TCOF1: variants seen among roughly 807,000 people sequenced by gnomAD.
TCOF1 encodes the protein treacle protein.
TCOF1 carries 33 observed loss-of-function variants against 149.0 expected under a neutral mutation model. The observed-to-expected ratio is 0.22, with a 90% CI of 0.17 to 0.30. The LOEUF (loss-of-function observed/expected upper bound fraction) is 0.30, where lower values mean the gene tolerates loss of function less well. TCOF1 is among the 10% of genes least tolerant of loss of function. TCOF1 has a pLI of 1.00. For synonymous variants in TCOF1, 789 were observed against 738.8 expected (o/e 1.07, Z -1.10); for missense variants, 1,728 against 1,840.7 (o/e 0.94, Z 1.12).
In TCOF1 at chr5:150,379,665, A is replaced by T. The variant is rs1363459338; in HGVS notation, c.2792A>T (p.Asp931Val). The T allele has an allele frequency of 3.7e-6, 6 of 1,614,004 alleles. No homozygotes were observed. Among genetic ancestry groups the T allele is most frequent in the Non-Finnish European group, 5.1e-6 (6 of 1,180,032 alleles). ...GCTGCCCAGGCAGGGAAGCAGGATG[A>T]CTCAGGGAGCAGCAGCGAGGAATCA... ...PSAAQAGKQDDSGSSSEESDS... is the reference protein window; with the variant it reads ...PSAAQAGKQDVSGSSSEESDS... The change falls in exon 17 of 27, where the codon GAC (aspartate) becomes GTC (valine). Residue 931 changes from aspartate to valine, a missense_variant. By Grantham distance (152) the Asp-to-Val change is radical. This residue lies in a region of TCOF1 where 1,696 missense variants were observed against 1,765.4 expected (regional missense o/e 0.96). Coordinates refer to ENST00000643257, the MANE Select transcript of TCOF1 (RefSeq NM_001371623.1).
At position 150,393,377 on chromosome 5, in the gene TCOF1, C is replaced by G; in HGVS notation, c.3609C>G (p.Leu1203=). ...EDDVVAPSQS[L]LSGYMTPGLT... is the part of the protein sequence containing the mutation. ...TTCACAATGGGCTTCTTCAGTCTCT[C>G]CTCTCAGGTTATATGACCCCTGGAC... Residue 1203 remains leucine, a synonymous_variant, in exon 23 of 27, where the codon CTC becomes CTG. Coordinates refer to ENST00000643257, the MANE Select transcript of TCOF1 (RefSeq NM_001371623.1). 1.9e-6 allele frequency: 3 copies of G among 1,614,012 alleles called. No homozygotes were observed. Among genetic ancestry groups the G allele is most frequent in the Non-Finnish European group, 2.5e-6 (3 of 1,180,002 alleles).
At chr5:150,361,273 T>G in intron 2 of TCOF1, 62 bp downstream of exon 2, 1 of 1,579,750 alleles carries the variant, frequency 6.3e-7, no homozygotes, top group South Asian at 1.1e-5. Context: ...CAGCTTGGAA[T>G]AAGCTGGGAT....
intron 23 of TCOF1, among the ~76,000 whole-genome samples, chr5:150,395,697 C>G (rs1335355753): frequency 6.6e-6 from 1 of 152,168 alleles, no homozygotes; most frequent in Non-Finnish European, 1.5e-5. Flanking sequence ...AGCTCCCCAC[C>G]TTGCCTGGAC....
At position 150,375,052 on chromosome 5, in the gene TCOF1, A is replaced by G. The variant is rs1192215645; in HGVS notation, c.1377A>G (p.Thr459=). 1.2e-6 allele frequency: 2 copies of G among 1,614,120 alleles called. No individual in the cohort carries two copies. Among genetic ancestry groups the G allele is most frequent in the South Asian group, 1.1e-5 (1 of 91,080 alleles). ...CTGCCCCAGCACCTCCTAGGAAAACAGGGCCTGCAGCCGCCCAGGTCCAGG... is the reference window on the plus strand; with the variant it reads ...CTGCCCCAGCACCTCCTAGGAAAACGGGGCCTGCAGCCGCCCAGGTCCAGG... The part of the protein sequence containing the change: ...KGAAPAPPRK[T]GPAAAQVQVG... Residue 459 remains threonine (T), a synonymous_variant, in exon 10 of 27, where the codon ACA becomes ACG. Transcript: ENST00000643257.
intron 17 of TCOF1, among the ~76,000 whole-genome samples, chr5:150,387,565 C>G (rs1055718203): frequency 6.6e-6 from 1 of 152,212 alleles, no homozygotes; most frequent in Non-Finnish European, 1.5e-5. Context: ...ACATTCTGGC[C>G]GTGGCTTTGC....
chr5:150,381,087 G>A (rs1765067219), intron 17 of TCOF1, among the ~76,000 whole-genome samples: 1 of 152,146 alleles, frequency 6.6e-6, no homozygotes, highest in African/African-American at 2.4e-5. Flanking sequence ...AGACCGGAGA[G>A]CCCTTGCCCC....
chr5:150,389,985 A>T lies in TCOF1; in HGVS notation c.3145A>T (p.Ile1049Leu). Residue 1049 changes from isoleucine to leucine, a missense_variant, in exon 19 of 27, where the codon ATA becomes TTA. Physicochemically the swap from Ile to Leu is conservative, Grantham distance 5. This residue lies in a region of TCOF1 where 1,696 missense variants were observed against 1,765.4 expected (regional missense o/e 0.96). Transcript: ENST00000643257. ...GASSSKESSR[I>L]SDGKKQEGPA... is the part of the protein sequence containing the mutation. ...CAGCAGCAGCAAGGAGTCCAGTCGG[A>T]TATCAGATGGCAAGAAACAGGAGGG... 6.2e-7 allele frequency: 1 copy of T among 1,613,848 alleles called. No homozygotes were observed. The highest frequency in any genetic ancestry group is 8.5e-7 in the Non-Finnish European group (1 of 1,179,914).
At chr5:150,363,630 T>C (rs1760660328) in intron 2 of TCOF1, among the ~76,000 whole-genome samples, 1 of 152,076 alleles carries the variant, frequency 6.6e-6, no homozygotes, top group South Asian at 2.1e-4. Context: ...AGAGAAAAGC[T>C]ATGAAGAAAA....
rs982798642 is a variant in TCOF1, at chr5:150,390,755, C to T, written c.3183+732C>T. Among the ~76,000 whole-genome samples, 6 of 152,200 alleles carry T rather than the reference C, an allele frequency of 3.9e-5. No homozygotes were observed. In the South Asian group the frequency reaches 1.0e-3, roughly 26 times the overall value. On this transcript the variant is annotated intron_variant, in intron 19 of 26. Transcript: ENST00000643257. The stretch of plus-strand genomic sequence containing the variant: ...CAAAAACTTCTGGGAACATGGGTGT[C>T]GGATGGGAAGTCAGGCTGTGGTCAC...
chr5:150,359,041 A>C (rs1166233807), intron 1 of TCOF1, among the ~76,000 whole-genome samples: 2 of 151,194 alleles, frequency 1.3e-5, no homozygotes, highest in African/African-American at 4.9e-5. Context: ...GTCTCAAAAA[A>C]AAATTTTTTT....
intron 19 of TCOF1, among the ~76,000 whole-genome samples, chr5:150,390,565 G>T (rs1273986030): frequency 6.6e-6 from 1 of 151,564 alleles, no homozygotes; most frequent in East Asian, 1.9e-4. Flanking sequence ...CTGAGACCCA[G>T]TTCATTGCTC....
chr5:150,398,182 A>G (rs1469539434), intron 24 of TCOF1, among the ~76,000 whole-genome samples, 172 bp from the exon 25 acceptor site: 1 of 152,038 alleles, frequency 6.6e-6, no homozygotes, highest in Non-Finnish European at 1.5e-5. Context: ...TCAGCCTCCC[A>G]AAGTGCTGGG....
At chr5:150,390,184 C>T (rs910168447) in intron 19 of TCOF1, among the ~76,000 whole-genome samples, 161 bp downstream of exon 19, 13 of 152,214 alleles carry the variant, frequency 8.5e-5, no homozygotes, top group South Asian at 6.2e-4. Context: ...CTAGCTACAA[C>T]CCCCCAAATC....
chr5:150,361,304 G>C (rs1259195816), intron 2 of TCOF1, 93 bp downstream of exon 2: 3 of 1,464,688 alleles, frequency 2.0e-6, no homozygotes, highest in African/African-American at 1.4e-5. Context: ...TCTAAGATCT[G>C]TCCCCATAGC....
At chr5:150,390,112 C>T (rs924138311) in intron 19 of TCOF1, 89 bp downstream of exon 19, 5 of 1,536,944 alleles carry the variant, frequency 3.3e-6, no homozygotes, top group Non-Finnish European at 4.4e-6. Context: ...GGATGGCCTG[C>T]AATTGCTGTC....
rs75420644 is a variant in TCOF1, at chr5:150,399,049, C to T, written c.*1C>T. ...GAAGACAGCAGAGCAGACTGTATGACGAGCACCAGCACCAGGCACAGGTAC... is the reference window on the plus strand; with the variant it reads ...GAAGACAGCAGAGCAGACTGTATGATGAGCACCAGCACCAGGCACAGGTAC... On this transcript the variant is annotated 3_prime_UTR_variant, in exon 26 of 27. Coordinates refer to ENST00000643257, the MANE Select transcript of TCOF1 (RefSeq NM_001371623.1). 6.2e-4 allele frequency: 997 copies of T among 1,614,250 alleles called. 5 individuals are homozygous for T. In the African/African-American group the frequency reaches 0.011, roughly 18 times the overall value.
chr5:150,392,208 C>T, intron 21 of TCOF1, 32 bp downstream of exon 21: 2 of 1,606,664 alleles, frequency 1.2e-6, no homozygotes. Context: ...CAAGGGTGGG[C>T]CAGGAAGAGG....
intron 2 of TCOF1, among the ~76,000 whole-genome samples, chr5:150,363,726 CG>C (rs1036861099): frequency 1.3e-4 from 20 of 152,134 alleles, no homozygotes; most frequent in Admixed American, 4.6e-4. Context: ...AAAGTTGAGA[CG>C]GGAAGGACGA....
intron 19 of TCOF1, 63 bp from the exon 20 acceptor site, chr5:150,391,481 G>C: frequency 1.4e-6 from 2 of 1,413,120 alleles, no homozygotes; most frequent in South Asian, 2.3e-5. Flanking sequence ...ATCTGACCAG[G>C]GTGTGGCACA....
Sources: allele counts gnomAD v4.1 joint callset (sites outside exome capture counted in the v4.1 genomes callset), GRCh38; gene constraint gnomAD v4.1.1; regional missense constraint gnomAD v4.1.1; transcripts MANE v1.5; gene names NCBI Gene and HGNC (gene_info 2026-07-23, HGNC 2026-07-21).